Variants in ZCCHC8 observed in about 807,000 individuals in gnomAD.
ZCCHC8 encodes zinc finger CCHC-type containing 8, also known as zinc finger CCHC domain-containing protein 8.
ZCCHC8 carries 27 observed loss-of-function variants against 70.6 expected under a neutral mutation model. That is an observed-to-expected ratio of 0.38 (90% CI 0.28 to 0.53). The LOEUF (loss-of-function observed/expected upper bound fraction) is 0.53, where lower values mean the gene tolerates loss of function less well. Ranked by LOEUF, ZCCHC8 falls within the 20% of genes least tolerant of loss-of-function variation. The pLI is 0.81. For synonymous variants in ZCCHC8, 293 were observed against 317.4 expected (o/e 0.92, Z 0.82); for missense variants, 737 against 876.9 (o/e 0.84, Z 2.01).
At chr12:122,474,410 G>T in intron 13 of ZCCHC8, 135 bp from the exon 14 acceptor site, 1 of 764,538 alleles carries the variant, frequency 1.3e-6, no homozygotes, top group Non-Finnish European at 1.8e-6. Flanking sequence ...GGAAATTCTG[G>T]ATTCTCAGGT....
At chr12:122,478,905 AG>A (rs1957475325) in intron 11 of ZCCHC8, among the ~76,000 whole-genome samples, 3 of 152,204 alleles carry the variant, frequency 2.0e-5, no homozygotes, top group Admixed American at 6.5e-5. Flanking sequence ...GTAGACTGGA[AG>A]CTGGACTGGC....
intron 4 of ZCCHC8, 69 bp downstream of exon 4, chr12:122,490,393 C>T: frequency 8.1e-7 from 1 of 1,227,158 alleles, no homozygotes; most frequent in Non-Finnish European, 1.2e-6. Context: ...CAAGAGGATC[C>T]TTGTGGCCCA....
chr12:122,483,138 T>C lies in ZCCHC8; in HGVS notation c.671+141A>G. ...GATTCATTTAAACATTTAACATATA[T>C]GTATGGATTAAAATTCTAGCTCAAT... On this transcript the variant is annotated intron_variant, in intron 7 of 13. Coordinates refer to ENST00000633063, the MANE Select transcript of ZCCHC8 (RefSeq NM_017612.5). This position sits in a 1 kb window ranked among gnomAD's most constrained non-coding sequence, Gnocchi z 4.4. 1.3e-6 allele frequency: 1 copy of C among 750,778 alleles called. No individual in the cohort carries two copies. Among genetic ancestry groups the C allele is most frequent in the Non-Finnish European group, 2.2e-6 (1 of 463,852 alleles). The allele number at this position is 750,778 out of a possible 1,614,324, so 46.5% of individuals were successfully genotyped here.
At chr12:122,486,686 C>T (rs777035713) in intron 5 of ZCCHC8, among the ~76,000 whole-genome samples, 1 of 151,984 alleles carries the variant, frequency 6.6e-6, no homozygotes, top group Non-Finnish European at 1.5e-5. Context: ...TCTCCTGCCT[C>T]AGCCCCCTGA....
At chr12:122,474,394 C>T in intron 13 of ZCCHC8, 119 bp from the exon 14 acceptor site, 1 of 937,188 alleles carries the variant, frequency 1.1e-6, no homozygotes, top group Non-Finnish European at 1.4e-6. Flanking sequence ...ACTGGCTTAA[C>T]ATGAGGGAAA....
rs1045426912 is a variant in ZCCHC8 at position 122,472,072 on chromosome 12, T to C, written c.*1425A>G. 3 of 152,192 alleles carry C rather than the reference T, an allele frequency of 2.0e-5. No homozygotes were observed. The highest frequency in any genetic ancestry group is 2.1e-4 in the South Asian group (1 of 4,830). 9.4% of individuals were successfully genotyped at this position (152,192 alleles called of 1,614,324 possible). A position where few individuals can be genotyped will look rare whatever the true frequency, so the allele number is the denominator to read the frequency against. On this transcript the variant is annotated 3_prime_UTR_variant, in exon 14 of 14. Coordinates refer to ENST00000633063, the MANE Select transcript of ZCCHC8 (RefSeq NM_017612.5). ...TTATACAAAGGCTAGCTGCATGCCA[T>C]TCATTTTTCAAAATAATTACTTTTC... is the stretch of plus-strand genomic sequence containing the variant.
In ZCCHC8 at chr12:122,473,398, T is replaced by C. The variant is rs554652281; in HGVS notation, c.*99A>G. 88 of 1,295,868 alleles carry C rather than the reference T, an allele frequency of 6.8e-5. No homozygotes were observed. The African/African-American group carries it at 1.2e-3, about 18-fold the overall frequency. The allele number at this position is 1,295,868 out of a possible 1,614,324, so 80.3% of individuals were successfully genotyped here. On this transcript the variant is annotated 3_prime_UTR_variant, in exon 14 of 14. Coordinates refer to ENST00000633063, the MANE Select transcript of ZCCHC8 (RefSeq NM_017612.5). ...TGAACCTTGGATAGATTTTTAAACA[T>C]GGGAGGGACAAACAGGAAAACCATT...
At position 122,472,538 on chromosome 12, in the gene ZCCHC8, G is replaced by A. The variant is rs7132830; in HGVS notation, c.*959C>T. The A allele has an allele frequency of 0.61, 93,044 of 152,120 alleles. 29,320 individuals carry two copies. Among genetic ancestry groups the A allele is most frequent in the African/African-American group, 0.75 (31,291 of 41,514 alleles). 9.4% of individuals were successfully genotyped at this position (152,120 alleles called of 1,614,324 possible). On this transcript the variant is annotated 3_prime_UTR_variant, in exon 14 of 14. Transcript: ENST00000633063. ...TTACTTTTAAACTTAAAAGTTATATGCACCGGCCAGGTGAGGTGGCTTACG... is the reference window on the plus strand; with the variant it reads ...TTACTTTTAAACTTAAAAGTTATATACACCGGCCAGGTGAGGTGGCTTACG...
rs902140590 is a variant in ZCCHC8, at chr12:122,480,583, C to G, written c.1019-272G>C. On this transcript the variant is annotated intron_variant, in intron 10 of 13. Coordinates refer to ENST00000633063, the MANE Select transcript of ZCCHC8 (RefSeq NM_017612.5). Reference sequence around the variant, plus strand: ...GCCTCTCAGGCTCAAGTGATCCTCCCACCTCAGCCTCCTAAATAGCTGGTA... The same window carrying G: ...GCCTCTCAGGCTCAAGTGATCCTCCGACCTCAGCCTCCTAAATAGCTGGTA... 4 of 265,314 alleles carry G rather than the reference C, an allele frequency of 1.5e-5. No individual in the cohort carries two copies. In the Admixed American group the frequency reaches 2.1e-4, roughly 14 times the overall value. The allele number at this position is 265,314 out of a possible 1,614,324, so 16.4% of individuals were successfully genotyped here. A position where few individuals can be genotyped will look rare whatever the true frequency, so the allele number is the denominator to read the frequency against.
At chr12:122,492,911 C>T in intron 2 of ZCCHC8, 122 bp from the exon 3 acceptor site, 1 of 677,526 alleles carries the variant, frequency 1.5e-6, no homozygotes, top group Non-Finnish European at 2.5e-6. Context: ...CACTCTGTCG[C>T]TCGTGCTGGA....
At position 122,500,341 on chromosome 12, in the gene ZCCHC8, G is replaced by A; in HGVS notation, c.199+301C>T. ...CAGAGGGGGGCAATTAAGGGCTTGTGTACAATCTGTCAGGTGAGCAGCCTA... is the reference window on the plus strand; with the variant it reads ...CAGAGGGGGGCAATTAAGGGCTTGTATACAATCTGTCAGGTGAGCAGCCTA... On this transcript the variant is annotated intron_variant, in intron 1 of 13. Transcript: ENST00000633063. This position sits in a 1 kb window ranked among gnomAD's most constrained non-coding sequence, Gnocchi z 4.8. The A allele has an allele frequency of 2.5e-6, 1 of 396,746 alleles. No individual in the cohort carries two copies. Among genetic ancestry groups the A allele is most frequent in the Non-Finnish European group, 4.6e-6 (1 of 218,026 alleles). 24.6% of individuals were successfully genotyped at this position (396,746 alleles called of 1,614,324 possible).
chr12:122,474,243 C>T lies in ZCCHC8; in HGVS notation c.1378G>A (p.Glu460Lys), dbSNP rs748273332. ...MEVPHGSQSS[E>K]SFQFQPPLPP... ...AATGGTGGTTGAAACTGAAAACTTT[C>T]GCTGCTCTGAGAACCATGTGGTACC... Residue 460 changes from glutamate (E) to lysine (K), a missense_variant, in exon 14 of 14, where the codon GAA (glutamate) becomes AAA (lysine). Physicochemically the swap from Glu to Lys is moderately conservative, Grantham distance 56. Coordinates refer to ENST00000633063, the MANE Select transcript of ZCCHC8 (RefSeq NM_017612.5). 24 of 1,472,434 alleles carry T rather than the reference C, an allele frequency of 1.6e-5. No homozygotes were observed. The highest frequency in any genetic ancestry group is 8.6e-5 in the African/African-American group (6 of 69,448). 91.2% of individuals were successfully genotyped at this position (1,472,434 alleles called of 1,614,324 possible). A position where few individuals can be genotyped will look rare whatever the true frequency, so the allele number is the denominator to read the frequency against.
chr12:122,474,339 G>T (rs1265677936), intron 13 of ZCCHC8, 64 bp from the exon 14 acceptor site: 2 of 1,318,430 alleles, frequency 1.5e-6, no homozygotes, highest in Non-Finnish European at 9.8e-7. Context: ...ACTAAAATTT[G>T]TTATTTGAAC....
In ZCCHC8 at chr12:122,477,837, C is replaced by T. The variant is rs2137326232; in HGVS notation, c.1345+4G>A. 2.5e-6 allele frequency: 4 copies of T among 1,591,444 alleles called. No individual in the cohort carries two copies. The highest frequency in any genetic ancestry group is 2.2e-5 in the South Asian group (2 of 90,598). On this transcript the variant is annotated splice_donor_region_variant and intron_variant, in intron 13 of 13. Transcript: ENST00000633063. Reference sequence around the variant, plus strand: ...AGAAATCAGAGCCATAGGATGAAACCTACCTGAATCGAGCTCCATGTCGGC... The same window carrying T: ...AGAAATCAGAGCCATAGGATGAAACTTACCTGAATCGAGCTCCATGTCGGC...
chr12:122,474,407 C>T lies in ZCCHC8; in HGVS notation c.1346-132G>A, dbSNP rs980282640. On this transcript the variant is annotated intron_variant, in intron 13 of 13. Transcript: ENST00000633063. ...TAACTGGCTTAACATGAGGGAAATT[C>T]TGGATTCTCAGGTGCCATTACCACC... The T allele has an allele frequency of 1.5e-5, 12 of 815,896 alleles. No homozygotes were observed. The East Asian group carries it at 3.9e-4, about 27-fold the overall frequency. The allele number at this position is 815,896 out of a possible 1,614,324, so 50.5% of individuals were successfully genotyped here. A position where few individuals can be genotyped will look rare whatever the true frequency, so the allele number is the denominator to read the frequency against.
In ZCCHC8 at chr12:122,473,298, G is replaced by A. The variant is rs995458206; in HGVS notation, c.*199C>T. On this transcript the variant is annotated 3_prime_UTR_variant, in exon 14 of 14. Coordinates refer to ENST00000633063, the MANE Select transcript of ZCCHC8 (RefSeq NM_017612.5). The stretch of plus-strand genomic sequence containing the variant: ...AGGTCATATTCACATCTCCCCCCAA[G>A]TTTTGTCAGTGAGAATAAAATATAC... 4 of 613,138 alleles carry A rather than the reference G, an allele frequency of 6.5e-6. No homozygotes were observed. In the Admixed American group the frequency reaches 1.2e-4, roughly 19 times the overall value. 38.0% of individuals were successfully genotyped at this position (613,138 alleles called of 1,614,324 possible).
At chr12:122,476,177 G>A (rs182453926) in intron 13 of ZCCHC8, among the ~76,000 whole-genome samples, 134 of 152,302 alleles carry the variant, frequency 8.8e-4, no homozygotes, top group African/African-American at 3.0e-3. Flanking sequence ...CTGCAATCCC[G>A]AGGTGACAGA....
rs747116385 is a variant in ZCCHC8, at chr12:122,481,500, T to C, written c.1018+22A>G. On this transcript the variant is annotated intron_variant, in intron 10 of 13. Transcript: ENST00000633063. ...AAAAAAGGAAACACTTAAGGTGACTTCTCTAACTTAAGATACTATACCTTT... is the reference window on the plus strand; with the variant it reads ...AAAAAAGGAAACACTTAAGGTGACTCCTCTAACTTAAGATACTATACCTTT... The C allele has an allele frequency of 2.3e-5, 36 of 1,578,532 alleles. 1 individual carries two copies. The highest frequency in any genetic ancestry group is 2.9e-5 in the Non-Finnish European group (34 of 1,166,632).
rs1046379277 is a variant in ZCCHC8 at position 122,472,010 on chromosome 12, T to A, written c.*1487A>T. 1 of 152,178 alleles carries A rather than the reference T, an allele frequency of 6.6e-6. No homozygotes were observed. The highest frequency in any genetic ancestry group is 2.4e-5 in the African/African-American group (1 of 41,426). The allele number at this position is 152,178 out of a possible 1,614,324, so 9.4% of individuals were successfully genotyped here. A position where few individuals can be genotyped will look rare whatever the true frequency, so the allele number is the denominator to read the frequency against. On this transcript the variant is annotated 3_prime_UTR_variant, in exon 14 of 14. Coordinates refer to ENST00000633063, the MANE Select transcript of ZCCHC8 (RefSeq NM_017612.5). ...CAGTATGTTTATGTTTAATTTTTAA[T>A]TTTTAACTATTAGGGTTCAAATCTA...
Sources: gnomAD v4.1 joint callset for allele counts (sites outside exome capture counted in the v4.1 genomes callset) on GRCh38, gnomAD v4.1.1 for gene constraint, Gnocchi (gnomAD v3.1) non-coding constraint, MANE v1.5 for transcripts, NCBI Gene and HGNC (gene_info 2026-07-23, HGNC 2026-07-21) for gene names.